The following CDH6 variants were observed in gnomAD, a reference collection of about 807,000 sequenced individuals.
CDH6 encodes the protein cadherin 6, also known as cadherin-6.
In CDH6, 31 loss-of-function variants were observed where a neutral mutation model predicts 78.0. The ratio of observed to expected loss-of-function variants is 0.40; its 90% confidence interval spans 0.30 to 0.54. The LOEUF (loss-of-function observed/expected upper bound fraction) is 0.54, where lower values mean the gene tolerates loss of function less well. Among genes scored for constraint, CDH6 ranks in the 20% least tolerant of loss-of-function variants. CDH6 has a pLI of 0.56. For synonymous variants in CDH6, 376 were observed against 368.8 expected (o/e 1.02, Z -0.23); for missense variants, 724 against 975.9 (o/e 0.74, Z 3.44).
In CDH6 at chr5:31,322,847, C is replaced by A. The variant is rs1738508291; in HGVS notation, c.1912C>A (p.Arg638=). ...AGTGGTGCTGTTTGCAGCTCTGAGG[C>A]GGCAGCGAAAAAAAGAGCCTTTGAT... ...VTVVLFAALR[R]QRKKEPLIIS... The change falls in exon 12 of 12, where the codon CGG becomes AGG. Residue 638 remains arginine, a synonymous_variant. Transcript: ENST00000265071. 6.2e-7 allele frequency: 1 copy of A among 1,613,452 alleles called. No individual in the cohort carries two copies. Among genetic ancestry groups the A allele is most frequent in the Admixed American group, 1.7e-5 (1 of 59,960 alleles).
chr5:31,289,341 T>C (rs1209824172), intron 2 of CDH6, among the ~76,000 whole-genome samples: 1 of 152,210 alleles, frequency 6.6e-6, no homozygotes, highest in Non-Finnish European at 1.5e-5. Flanking sequence ...GGGGTGTATA[T>C]GTACCACATT....
intron 2 of CDH6, among the ~76,000 whole-genome samples, chr5:31,276,150 C>T (rs948391197): frequency 1.3e-5 from 2 of 152,176 alleles, no homozygotes; most frequent in Non-Finnish European, 1.5e-5. Flanking sequence ...AATACATCAG[C>T]GTTCTTTGCA....
At chr5:31,260,574 A>T (rs1263168806) in intron 1 of CDH6, among the ~76,000 whole-genome samples, 15 of 152,220 alleles carry the variant, frequency 9.9e-5, no homozygotes, top group Admixed American at 9.8e-4. Flanking sequence ...TATTAATGCA[A>T]TGTGTGGAAT....
chr5:31,293,679 G>A (rs1450633076), intron 2 of CDH6, among the ~76,000 whole-genome samples: 1 of 152,060 alleles, frequency 6.6e-6, no homozygotes, highest in Admixed American at 6.6e-5. Context: ...TGGCCACCTT[G>A]CTATTGCTCT....
At position 31,325,751 on chromosome 5, in the gene CDH6, T is replaced by A. The variant is rs1055178843; in HGVS notation, c.*2443T>A. 1.3e-5 allele frequency: 3 copies of A among 230,818 alleles called. No individual in the cohort carries two copies. The highest frequency in any genetic ancestry group is 8.6e-6 in the Non-Finnish European group (1 of 116,584). 14.3% of individuals were successfully genotyped at this position (230,818 alleles called of 1,614,324 possible). A position where few individuals can be genotyped will look rare whatever the true frequency, so the allele number is the denominator to read the frequency against. Reference sequence around the variant, plus strand: ...ATGACACAGCATACCAAGAACAGGTTAATATGATTACTTATGGAAATAACT... The same window carrying A: ...ATGACACAGCATACCAAGAACAGGTAAATATGATTACTTATGGAAATAACT... On this transcript the variant is annotated 3_prime_UTR_variant, in exon 12 of 12. Transcript: ENST00000265071.
chr5:31,266,407 C>T (rs1325505688), intron 1 of CDH6, among the ~76,000 whole-genome samples: 1 of 152,122 alleles, frequency 6.6e-6, no homozygotes, highest in Non-Finnish European at 1.5e-5. Context: ...GTGAAAATGA[C>T]CTAGCAACTG....
At chr5:31,270,288 T>A (rs1742486598) in intron 2 of CDH6, among the ~76,000 whole-genome samples, 1 of 152,254 alleles carries the variant, frequency 6.6e-6, no homozygotes, top group African/African-American at 2.4e-5. Flanking sequence ...AAATACCTTA[T>A]AGTGCCATGT....
chr5:31,305,294 G>A lies in CDH6; in HGVS notation c.1120G>A (p.Val374Met), dbSNP rs1175155640. The A allele has an allele frequency of 6.2e-7, 1 of 1,614,150 alleles. No homozygotes were observed. The highest frequency in any genetic ancestry group is 8.5e-7 in the Non-Finnish European group (1 of 1,180,036). Residue 374 changes from valine (V) to methionine (M), a missense_variant, in exon 7 of 12, where the codon GTG (valine) becomes ATG (methionine). By Grantham distance (21) the Val-to-Met change is conservative. This residue lies in a region of CDH6 where 446 missense variants were observed against 684.5 expected (regional missense o/e 0.65). Coordinates refer to ENST00000265071, the MANE Select transcript of CDH6 (RefSeq NM_004932.4). ...FKDSATVRIV[V>M]EDVDEPPVFS... ...AGATTCAGCCACGGTTAGAATTGTG[G>A]TGGAGGATGTAGATGAGCCACCTGT...
At chr5:31,194,152 T>C (rs1740095777) in intron 1 of CDH6, among the ~76,000 whole-genome samples, 1 of 151,304 alleles carries the variant, frequency 6.6e-6, no homozygotes, top group Admixed American at 6.6e-5. Context: ...GTAAGACCGA[T>C]CCGCCGTGGG....
chr5:31,288,977 T>C (rs150229043), intron 2 of CDH6, among the ~76,000 whole-genome samples: 88 of 152,274 alleles, frequency 5.8e-4, no homozygotes, highest in African/African-American at 2.0e-3. Flanking sequence ...GGGGTTCTTT[T>C]ATTTAATTTT....
At chr5:31,266,201 T>G (rs1380213650) in intron 1 of CDH6, among the ~76,000 whole-genome samples, 2 of 152,030 alleles carry the variant, frequency 1.3e-5, no homozygotes, top group African/African-American at 4.8e-5. Context: ...CATAAACTAG[T>G]AAACCAATTT....
intron 1 of CDH6, among the ~76,000 whole-genome samples, chr5:31,252,573 T>C (rs1456838610): frequency 6.6e-6 from 1 of 152,154 alleles, no homozygotes; most frequent in Non-Finnish European, 1.5e-5. Context: ...GTGTGATAAT[T>C]GGTAGGTGTG....
chr5:31,234,098 G>A (rs1228539741), intron 1 of CDH6, among the ~76,000 whole-genome samples: 1 of 151,898 alleles, frequency 6.6e-6, no homozygotes, highest in Non-Finnish European at 1.5e-5. Flanking sequence ...TTAATACTTT[G>A]ACTAAGTATC....
intron 1 of CDH6, among the ~76,000 whole-genome samples, chr5:31,260,328 C>A (rs547368601): frequency 6.6e-6 from 1 of 152,306 alleles, no homozygotes; most frequent in Non-Finnish European, 1.5e-5. Context: ...AGATTCTCAC[C>A]TTGACATGTG....
chr5:31,310,481 A>G (rs747254057), intron 7 of CDH6, among the ~76,000 whole-genome samples: 3 of 152,064 alleles, frequency 2.0e-5, no homozygotes, highest in Non-Finnish European at 2.9e-5. Context: ...TGGGGTCTGG[A>G]AGAGAGTGGC....
intron 10 of CDH6, 77 bp from the exon 11 acceptor site, chr5:31,317,596 T>G: frequency 6.4e-7 from 1 of 1,555,310 alleles, no homozygotes; most frequent in Middle Eastern, 1.7e-4. Flanking sequence ...TATCTATATC[T>G]ATCTTTTCTT....
chr5:31,230,708 TG>T (rs1341967551), intron 1 of CDH6, among the ~76,000 whole-genome samples: 5 of 152,192 alleles, frequency 3.3e-5, no homozygotes, highest in African/African-American at 1.2e-4. Flanking sequence ...TAATCTTGAT[TG>T]TGTCCTCAAG....
chr5:31,301,978 A>C (rs1047835986), intron 5 of CDH6, 133 bp from the exon 6 acceptor site: 2 of 526,892 alleles, frequency 3.8e-6, no homozygotes, highest in Non-Finnish European at 6.8e-6. Flanking sequence ...GGCCACCATT[A>C]GTTATTTTGA....
intron 1 of CDH6, among the ~76,000 whole-genome samples, chr5:31,199,673 G>A (rs1287394234): frequency 1.4e-5 from 1 of 71,888 alleles, no homozygotes; most frequent in East Asian, 4.1e-4. Flanking sequence ...GTGTGTATGT[G>A]TGTGTGTGTG....
Sources: allele counts gnomAD v4.1 joint callset (sites outside exome capture counted in the v4.1 genomes callset), GRCh38; gene constraint gnomAD v4.1.1; regional missense constraint gnomAD v4.1.1; transcripts MANE v1.5; gene names NCBI Gene and HGNC (gene_info 2026-07-23, HGNC 2026-07-21).